MEGF6: variants seen among roughly 807,000 people sequenced by gnomAD.
MEGF6 encodes multiple epidermal growth factor-like domains protein 6.
A neutral mutation model predicts 207.1 loss-of-function variants in MEGF6; 184 were observed. The observed-to-expected ratio is 0.89, with a 90% confidence interval of 0.79 to 1.00. The LOEUF (loss-of-function observed/expected upper bound fraction) is 1.00, where lower values mean the gene tolerates loss of function less well. Ranked by LOEUF, MEGF6 falls within the 50% of genes least tolerant of loss-of-function variation. MEGF6 has a pLI of 0.00. For synonymous variants in MEGF6, 1,038 were observed against 910.0 expected (o/e 1.14, Z -2.53); for missense variants, 2,282 against 2,202.9 (o/e 1.04, Z -0.72).
intron 3 of MEGF6, among the ~76,000 whole-genome samples, chr1:3,586,906 G>A (rs1336745036): frequency 6.6e-6 from 1 of 152,192 alleles, no homozygotes; most frequent in Non-Finnish European, 1.5e-5. Flanking sequence ...CTGACTATAG[G>A]TGCCAAGGCC....
intron 4 of MEGF6, among the ~76,000 whole-genome samples, chr1:3,536,064 C>G (rs1642318815): frequency 1.3e-5 from 2 of 152,194 alleles, no homozygotes; most frequent in Non-Finnish European, 2.9e-5. Context: ...TCTGGCCGTC[C>G]TCTGGTGGCC....
At chr1:3,611,036 G>A in intron 1 of MEGF6, 102 bp downstream of exon 1, 1 of 1,326,284 alleles carries the variant, frequency 7.5e-7, no homozygotes, top group East Asian at 3.1e-5. Flanking sequence ...CATTGTTCTG[G>A]AGCCCCAGGG....
chr1:3,605,259 CA>C (rs1644226910), intron 1 of MEGF6, among the ~76,000 whole-genome samples: 1 of 152,028 alleles, frequency 6.6e-6, no homozygotes, highest in Non-Finnish European at 1.5e-5. Context: ...AAGGCACTCA[CA>C]CATACTCTCA....
At position 3,579,538 on chromosome 1, in the gene MEGF6, G is replaced by A. The variant is rs556599594; in HGVS notation, c.481+287C>T. 1.1e-4 allele frequency among the ~76,000 whole-genome samples: 17 copies of A among 152,322 alleles called. No homozygotes were observed. In the South Asian group the frequency reaches 2.7e-3, roughly 24 times the overall value. ...CCCCCTGCCTTTCTAGGGGGCCAGC[G>A]TCCCCATTTATAAACAGCAGGGCTG... On this transcript the variant is annotated intron_variant, in intron 4 of 36. Transcript: ENST00000356575.
At position 3,518,809 on chromosome 1, in the gene MEGF6, C is replaced by T. The variant is rs190109624; in HGVS notation, c.605-3282G>A. Reference sequence around the variant, plus strand: ...CCCACAGCCCTGCCTTCTAGGAAGCCCTCTGTTGGGGACAGGGCCAGGATG... The same window carrying T: ...CCCACAGCCCTGCCTTCTAGGAAGCTCTCTGTTGGGGACAGGGCCAGGATG... On this transcript the variant is annotated intron_variant, in intron 5 of 36. Transcript: ENST00000356575. Among the ~76,000 whole-genome samples the T allele has an allele frequency of 5.4e-3, 816 of 152,304 alleles. 8 individuals carry two copies. Among genetic ancestry groups the T allele is most frequent in the African/African-American group, 0.019 (785 of 41,568 alleles).
intron 5 of MEGF6, among the ~76,000 whole-genome samples, chr1:3,517,539 G>T (rs970296947): frequency 2.6e-5 from 4 of 152,232 alleles, no homozygotes; most frequent in Admixed American, 1.3e-4. Context: ...GAACCAGGCA[G>T]ATTTTCGCCA....
chr1:3,505,379 G>A (rs750571273), intron 16 of MEGF6, 37 bp from the exon 17 acceptor site: 39 of 1,599,552 alleles, frequency 2.4e-5, no homozygotes, highest in Middle Eastern at 1.7e-4. Context: ...GGGGTTAACC[G>A]ACCCTGGCGC....
chr1:3,532,701 C>A (rs534479520), intron 4 of MEGF6, among the ~76,000 whole-genome samples: 20 of 152,344 alleles, frequency 1.3e-4, no homozygotes, highest in African/African-American at 3.4e-4. Flanking sequence ...CTTGGGGATA[C>A]CTTCCAGCTG....
Position 3,507,905 on chromosome 1 carries a change from A to G in MEGF6, c.1679T>C (p.Phe560Ser). ...ICNETCPPDT[F>S]GKNCSFSCSC... ...GCAGGAGAAGCTGCAGTTCTTCCCA[A>G]AGGTGTCCGGAGGACAAGCTACAAA... The change falls in exon 14 of 37, where the codon TTT (phenylalanine) becomes TCT (serine). Residue 560 changes from phenylalanine (F) to serine (S), a missense_variant. By Grantham distance (155) the Phe-to-Ser change is radical. Coordinates refer to ENST00000356575, the MANE Select transcript of MEGF6 (RefSeq NM_001409.4). The G allele has an allele frequency of 6.2e-7, 1 of 1,612,392 alleles. No homozygotes were observed. Among genetic ancestry groups the G allele is most frequent in the Non-Finnish European group, 8.5e-7 (1 of 1,179,594 alleles).
intron 1 of MEGF6, among the ~76,000 whole-genome samples, chr1:3,607,551 G>A (rs142384680): frequency 3.9e-5 from 6 of 152,318 alleles, no homozygotes; most frequent in Non-Finnish European, 5.9e-5. Flanking sequence ...GCACGGCCCC[G>A]GCGGCCTTTC....
intron 3 of MEGF6, among the ~76,000 whole-genome samples, chr1:3,580,970 T>C (rs1017741454): frequency 1.3e-5 from 2 of 152,010 alleles, no homozygotes; most frequent in African/African-American, 4.8e-5. Context: ...CTGGGGCTCC[T>C]GGGATTCCCA....
At chr1:3,498,596 C>G in intron 25 of MEGF6, 97 bp from the exon 26 acceptor site, 1 of 1,483,330 alleles carries the variant, frequency 6.7e-7, no homozygotes. Context: ...GAAGCCTACA[C>G]CCCAGGGCGC....
chr1:3,578,770 AC>A (rs1643713433), intron 4 of MEGF6, among the ~76,000 whole-genome samples: 1 of 151,732 alleles, frequency 6.6e-6, no homozygotes, highest in South Asian at 2.1e-4. Context: ...CTCTGGGGAG[AC>A]CCAGCACCTC....
At chr1:3,499,032 CCCTT>C in intron 24 of MEGF6, 102 bp downstream of exon 24, 1 of 1,488,800 alleles carries the variant, frequency 6.7e-7, no homozygotes, top group Non-Finnish European at 9.0e-7. Flanking sequence ...TCCTAACAGC[CCCTT>C]CCTCCCTCCC....
chr1:3,514,125 G>A (rs1641451474), intron 7 of MEGF6, among the ~76,000 whole-genome samples: 1 of 152,050 alleles, frequency 6.6e-6, no homozygotes, highest in Non-Finnish European at 1.5e-5. Flanking sequence ...GCGGGTGCCT[G>A]TAGTCCCAGC....
Position 3,518,848 on chromosome 1 carries a change from C to T in MEGF6, c.605-3321G>A, listed in dbSNP as rs557178049. Reference sequence around the variant, plus strand: ...AGGGCCAGGATGGCAGGCTGGGGTGCGTGTTCATCCCCCAGCTCCCCTCCA... The same window carrying T: ...AGGGCCAGGATGGCAGGCTGGGGTGTGTGTTCATCCCCCAGCTCCCCTCCA... On this transcript the variant is annotated intron_variant, in intron 5 of 36. Coordinates refer to ENST00000356575, the MANE Select transcript of MEGF6 (RefSeq NM_001409.4). 1.4e-4 allele frequency among the ~76,000 whole-genome samples: 22 copies of T among 152,306 alleles called. 1 individual carries two copies. The South Asian group carries it at 2.5e-3, about 17-fold the overall frequency.
intron 24 of MEGF6, 150 bp downstream of exon 24, chr1:3,498,988 G>A: frequency 2.9e-6 from 4 of 1,399,476 alleles, no homozygotes; most frequent in Non-Finnish European, 3.8e-6. Context: ...ATCCCTGCCT[G>A]GAGAGGGGCA....
In MEGF6 at chr1:3,539,614, C is replaced by T. The variant is rs1301998691; in HGVS notation, c.482-15368G>A. 2.6e-5 allele frequency among the ~76,000 whole-genome samples: 4 copies of T among 152,192 alleles called. No homozygotes were observed. In the East Asian group the frequency reaches 5.8e-4, roughly 22 times the overall value. On this transcript the variant is annotated intron_variant, in intron 4 of 36. Coordinates refer to ENST00000356575, the MANE Select transcript of MEGF6 (RefSeq NM_001409.4). ...GACTCTGGGGCACAATCGCCCCAAC[C>T]TCCTCATGAGTAGCCCCTGGGAAAC... is the stretch of plus-strand genomic sequence containing the variant.
intron 30 of MEGF6, 127 bp from the exon 31 acceptor site, chr1:3,494,868 C>A: frequency 7.3e-7 from 1 of 1,371,212 alleles, no homozygotes; most frequent in Non-Finnish European, 9.6e-7. Flanking sequence ...CCAGTCTCTG[C>A]CTGCTGGGCG....
Sources: gnomAD v4.1 joint callset for allele counts (sites outside exome capture counted in the v4.1 genomes callset) on GRCh38, gnomAD v4.1.1 for gene constraint, MANE v1.5 for transcripts, NCBI Gene and HGNC (gene_info 2026-07-23, HGNC 2026-07-21) for gene names.